The following CXXC1 variants were observed in gnomAD, a reference collection of about 807,000 sequenced individuals.
CXXC1 encodes the protein CXXC finger protein 1.
In CXXC1, 21 loss-of-function variants were observed where a neutral mutation model predicts 83.6. The ratio of observed to expected loss-of-function variants is 0.25; its 90% confidence interval spans 0.18 to 0.36. The LOEUF (loss-of-function observed/expected upper bound fraction) is 0.36. Among genes scored for constraint, CXXC1 ranks in the 10% least tolerant of loss-of-function variants. The pLI is 1.00. For synonymous variants in CXXC1, 371 were observed against 337.5 expected, an observed-to-expected ratio of 1.10 and a Z score of -1.09; for missense variants, 688 against 919.5, an observed-to-expected ratio of 0.75 and a Z score of 3.26.
In CXXC1 at chr18:50,284,786, C is replaced by G; in HGVS notation, c.966G>C (p.Lys322Asn). ...TCACATGCTTCACTTTCACTGCCCT[C>G]TTCCGCAGCGCGGGGTCCAGGAATG... ...ESPFLDPALR[K>N]RAVKVKHVKR... Residue 322 changes from lysine (K) to asparagine (N), a missense_variant, in exon 8 of 15, where the codon AAG becomes AAC. Coordinates refer to ENST00000285106, the MANE Select transcript of CXXC1 (RefSeq NM_014593.4). The G allele has an allele frequency of 3.1e-6, 5 of 1,614,230 alleles. No individual in the cohort carries two copies. Among genetic ancestry groups the G allele is most frequent in the Non-Finnish European group, 4.2e-6 (5 of 1,180,048 alleles).
chr18:50,286,456 A>G, intron 3 of CXXC1, 83 bp downstream of exon 3: 2 of 1,217,722 alleles, frequency 1.6e-6, no homozygotes, highest in Non-Finnish European at 2.4e-6. Context: ...GACGTGTATC[A>G]CTAATCCCCA....
chr18:50,285,663 G>A lies in CXXC1; in HGVS notation c.639+86C>T. 6 of 1,508,450 alleles carry A rather than the reference G, an allele frequency of 4.0e-6. No homozygotes were observed. Among genetic ancestry groups the A allele is most frequent in the African/African-American group, 1.4e-5 (1 of 73,318 alleles). 93.4% of individuals were successfully genotyped at this position (1,508,450 alleles called of 1,614,324 possible). A position where few individuals can be genotyped will look rare whatever the true frequency, so the allele number is the denominator to read the frequency against. On this transcript the variant is annotated intron_variant, in intron 5 of 14. Transcript: ENST00000285106. The surrounding 1 kb of genome is among the most constrained non-coding windows in gnomAD (Gnocchi z 4.4). ...ATACAGTCAGGCCCAATCCCACCTGGTTTATCCATGCCTAGACTTAACTAA... is the reference window on the plus strand; with the variant it reads ...ATACAGTCAGGCCCAATCCCACCTGATTTATCCATGCCTAGACTTAACTAA...
chr18:50,287,467 C>G, intron 1 of CXXC1, 120 bp downstream of exon 1: 1 of 1,217,202 alleles, frequency 8.2e-7, no homozygotes, highest in Non-Finnish European at 1.2e-6. Flanking sequence ...TAGACTCCCG[C>G]CGTTCAGTCC....
In CXXC1 at chr18:50,283,295, C is replaced by A; in HGVS notation, c.1641G>T (p.Val547=). The stretch of plus-strand genomic sequence containing the variant: ...GGTCCCGTGAGTGCTCGGGGCACAG[C>A]ACCTGGAGCCGCTTACAGTATGTTT... ...QSKTYCKRLQ[V]LCPEHSRDPK... Residue 547 remains valine, a synonymous_variant, in exon 13 of 15, where the codon GTG becomes GTT. Coordinates refer to ENST00000285106, the MANE Select transcript of CXXC1 (RefSeq NM_014593.4). 6.2e-7 allele frequency: 1 copy of A among 1,614,038 alleles called. No homozygotes were observed. The highest frequency in any genetic ancestry group is 8.5e-7 in the Non-Finnish European group (1 of 1,179,992).
Position 50,283,738 on chromosome 18 carries a change from A to C in CXXC1, c.1491T>G (p.Val497=). ...VSCGHPINPR[V]ALRHMERCYA... is the part of the protein sequence containing the mutation. ...AGCAGCGCTCCATGTGGCGCAAGGC[A>C]ACACGTGGGTTGATGGGGTGCCCAC... Residue 497 remains valine, a synonymous_variant, in exon 11 of 15, where the codon GTT becomes GTG. Coordinates refer to ENST00000285106, the MANE Select transcript of CXXC1 (RefSeq NM_014593.4). The C allele has an allele frequency of 6.2e-7, 1 of 1,614,242 alleles. No homozygotes were observed. Among genetic ancestry groups the C allele is most frequent in the Admixed American group, 1.7e-5 (1 of 60,022 alleles).
At position 50,285,121 on chromosome 18, in the gene CXXC1, TTGA is replaced by T. The variant is rs751843083; in HGVS notation, c.790_792del (p.Ser264del). The T allele has an allele frequency of 3.1e-6, 5 of 1,614,094 alleles. No homozygotes were observed. Among genetic ancestry groups the T allele is most frequent in the South Asian group, 1.1e-5 (1 of 91,094 alleles). ...GTAGCCTCAGGAGGCTCCTTGACTG[TTGA>T]TGACGCCACTGCCCCCTCATCTTCA... On this transcript the variant is annotated inframe_deletion, in exon 7 of 15. Coordinates refer to ENST00000285106, the MANE Select transcript of CXXC1 (RefSeq NM_014593.4). The surrounding 1 kb of genome is among the most constrained non-coding windows in gnomAD (Gnocchi z 4.4).
chr18:50,284,224 A>G, intron 9 of CXXC1, 123 bp from the exon 10 acceptor site: 1 of 1,432,788 alleles, frequency 7.0e-7, no homozygotes, highest in South Asian at 1.3e-5. Flanking sequence ...CTGGATGGAC[A>G]CACGGGCAGG....
intron 13 of CXXC1, 67 bp downstream of exon 13, chr18:50,283,198 G>A (rs1358892934): frequency 2.9e-6 from 4 of 1,380,520 alleles, no homozygotes; most frequent in African/African-American, 1.4e-5. Context: ...GAGGAAGGAA[G>A]GGATGAATGT....
chr18:50,286,475 C>G (rs1413428360), intron 3 of CXXC1, 64 bp downstream of exon 3: 2 of 1,367,578 alleles, frequency 1.5e-6, no homozygotes, highest in Non-Finnish European at 2.1e-6. Flanking sequence ...CATAACCCCC[C>G]CTTGTGGCTC....
Position 50,285,601 on chromosome 18 carries a change from T to C in CXXC1, c.639+148A>G, listed in dbSNP as rs1438539603. ...CCCAGCATACCAGGTCATGCCCCATTCATCTGGACATGACAGGCCCCTTCC... is the reference window on the plus strand; with the variant it reads ...CCCAGCATACCAGGTCATGCCCCATCCATCTGGACATGACAGGCCCCTTCC... On this transcript the variant is annotated intron_variant, in intron 5 of 14. Transcript: ENST00000285106. This position sits in a 1 kb window ranked among gnomAD's most constrained non-coding sequence, Gnocchi z 4.4. The C allele has an allele frequency of 1.6e-5, 18 of 1,100,516 alleles. No individual in the cohort carries two copies. Among genetic ancestry groups the C allele is most frequent in the Non-Finnish European group, 2.3e-5 (18 of 766,922 alleles). The allele number at this position is 1,100,516 out of a possible 1,614,324, so 68.2% of individuals were successfully genotyped here. A position where few individuals can be genotyped will look rare whatever the true frequency, so the allele number is the denominator to read the frequency against.
Position 50,285,370 on chromosome 18 carries a change from G to T in CXXC1, c.640-19C>A. The stretch of plus-strand genomic sequence containing the variant: ...ACGATTCCTGTGCCGGCAGGAGGAA[G>T]GCCCAGGTCAGCCCCAGGTGGATGG... On this transcript the variant is annotated intron_variant, in intron 5 of 14. Transcript: ENST00000285106. The surrounding 1 kb of genome is among the most constrained non-coding windows in gnomAD (Gnocchi z 4.4). 6.3e-7 allele frequency: 1 copy of T among 1,581,028 alleles called. No individual in the cohort carries two copies. The highest frequency in any genetic ancestry group is 1.7e-5 in the Admixed American group (1 of 58,068).
intron 3 of CXXC1, 116 bp from the exon 4 acceptor site, chr18:50,286,373 G>A (rs892706448): frequency 1.5e-5 from 17 of 1,115,068 alleles, no homozygotes; most frequent in Admixed American, 2.0e-5. Context: ...CTGCACCCCT[G>A]TCCAGGGCAG....
intron 3 of CXXC1, 76 bp downstream of exon 3, chr18:50,286,463 C>A: frequency 7.8e-7 from 1 of 1,274,314 alleles, no homozygotes; most frequent in Non-Finnish European, 1.1e-6. Flanking sequence ...ATCACTAATC[C>A]CCATAACCCC....
At position 50,284,704 on chromosome 18, in the gene CXXC1, TC is replaced by T. The variant is rs763107813; in HGVS notation, c.1020+27del. ...CTCCCTCAACCCCACCCTCTGCCTT[TC>T]CACATCCACTTTACCCTCTCCATCA... On this transcript the variant is annotated intron_variant, in intron 8 of 14. Transcript: ENST00000285106. The T allele has an allele frequency of 3.1e-6, 5 of 1,611,008 alleles. No homozygotes were observed. The East Asian group carries it at 1.1e-4, about 36-fold the overall frequency.
Position 50,285,011 on chromosome 18 carries a change from GTC to G in CXXC1, c.901_902del (p.Asp301ProfsTer37). The G allele has an allele frequency of 6.2e-7, 1 of 1,614,152 alleles. No homozygotes were observed. Among genetic ancestry groups the G allele is most frequent in the Non-Finnish European group, 8.5e-7 (1 of 1,180,032 alleles). The stretch of plus-strand genomic sequence containing the variant: ...GCTCCTGTCTGCTCACCAGGCCATG[GTC>G]ATCAAAGGCCCCTGCACAGAAGTCC... ...YQDFCAGAFD[D>X]HGLPWMSDTE... On this transcript the variant is annotated frameshift_variant, in exon 7 of 15. Coordinates refer to ENST00000285106, the MANE Select transcript of CXXC1 (RefSeq NM_014593.4). LOFTEE classifies it high-confidence loss of function. The surrounding 1 kb of genome is among the most constrained non-coding windows in gnomAD (Gnocchi z 4.4).
chr18:50,286,678 G>A (rs1599676040), intron 2 of CXXC1, 39 bp from the exon 3 acceptor site: 3 of 1,608,044 alleles, frequency 1.9e-6, no homozygotes, highest in East Asian at 2.2e-5. Context: ...TGTGAGGGGC[G>A]CGGCCCATCG....
rs766054382 is a variant in CXXC1 at position 50,286,196 on chromosome 18, A to C, written c.285T>G (p.Asn95Lys). The change falls in exon 4 of 15, where the codon AAT (asparagine) becomes AAG (lysine). Residue 95 changes from asparagine (N) to lysine (K), a missense_variant. Transcript: ENST00000285106. The part of the protein sequence containing the change: ...RHKKSRERDG[N>K]ERDSSEPRDE... The stretch of plus-strand genomic sequence containing the variant: ...CCCGGGGCTCACTGCTGTCCCGCTC[A>C]TTGCCATCCCGCTCCCGTGACTTCT... The C allele has an allele frequency of 1.2e-6, 2 of 1,613,414 alleles. No individual in the cohort carries two copies. Among genetic ancestry groups the C allele is most frequent in the Non-Finnish European group, 1.7e-6 (2 of 1,179,896 alleles).
chr18:50,286,682 C>T (rs2040720182), intron 2 of CXXC1, 43 bp from the exon 3 acceptor site: 1 of 1,609,878 alleles, frequency 6.2e-7, no homozygotes, highest in Non-Finnish European at 8.5e-7. Context: ...AGGGGCGCGG[C>T]CCATCGGCCT....
At position 50,282,944 on chromosome 18, in the gene CXXC1, G is replaced by A. The variant is rs1300040599; in HGVS notation, c.1734C>T (p.Asp578=). The part of the protein sequence containing the change: ...LVRDVFELTG[D]FCRLPKRQCN... ...ACTGGCGCTTGGGCAGGCGGCAGAA[G>A]TCACCCGTGAGCTCAAAGACATCAC... Residue 578 remains aspartate, a synonymous_variant, in exon 14 of 15, where the codon GAC becomes GAT. Coordinates refer to ENST00000285106, the MANE Select transcript of CXXC1 (RefSeq NM_014593.4). The surrounding 1 kb of genome is among the most constrained non-coding windows in gnomAD (Gnocchi z 5.8). 2 of 1,614,196 alleles carry A rather than the reference G, an allele frequency of 1.2e-6. No individual in the cohort carries two copies. The highest frequency in any genetic ancestry group is 2.2e-5 in the South Asian group (2 of 91,090).
Sources: gnomAD v4.1 joint callset for allele counts on GRCh38, gnomAD v4.1.1 for gene constraint, Gnocchi (gnomAD v3.1) non-coding constraint, MANE v1.5 for transcripts, NCBI Gene and HGNC (gene_info 2026-07-23, HGNC 2026-07-21) for gene names.